Variants in FAM13B observed in about 807,000 individuals in gnomAD.
FAM13B encodes protein FAM13B.
Under a neutral mutation model 117.3 loss-of-function variants are expected in FAM13B, and 60 were observed. That is an observed-to-expected ratio of 0.51 (90% CI 0.42 to 0.63). The LOEUF (loss-of-function observed/expected upper bound fraction) is 0.63. Ranked by LOEUF, FAM13B falls within the 30% of genes least tolerant of loss-of-function variation. The pLI, the probability that FAM13B is intolerant of heterozygous loss-of-function variation, is 0.00. For missense variants in FAM13B, 972 were observed against 1,091.9 expected (o/e 0.89, Z 1.55); for synonymous variants, 332 against 356.1 (o/e 0.93, Z 0.76).
intron 7 of FAM13B, among the ~76,000 whole-genome samples, chr5:137,994,588 T>G (rs1779408969): frequency 6.6e-6 from 1 of 152,160 alleles, no homozygotes. Context: ...TGCTGAGAAA[T>G]TTCAGGTCAA....
At chr5:137,986,590 A>G (rs2150584180) in intron 9 of FAM13B, among the ~76,000 whole-genome samples, 1 of 152,328 alleles carries the variant, frequency 6.6e-6, no homozygotes, top group South Asian at 2.1e-4. Flanking sequence ...GTGGAGTAAC[A>G]TCATGCATTA....
chr5:137,985,319 T>C lies in FAM13B; in HGVS notation c.1117A>G (p.Thr373Ala). 1.2e-6 allele frequency: 2 copies of C among 1,613,974 alleles called. No homozygotes were observed. The highest frequency in any genetic ancestry group is 1.7e-6 in the Non-Finnish European group (2 of 1,179,924). Residue 373 changes from threonine to alanine, a missense_variant, in exon 10 of 24, where the codon ACT (threonine) becomes GCT (alanine). Coordinates refer to ENST00000689681, the MANE Select transcript of FAM13B (RefSeq NM_001385994.1). ...NRDCSKPVASTNLDNEAMQQD... is the reference protein window; with the variant it reads ...NRDCSKPVASANLDNEAMQQD... ...TGCATAGCTTCATTGTCTAAATTAG[T>C]GCTAGCCACAGGTTTTGAACAGTCT... is the stretch of plus-strand genomic sequence containing the variant.
intron 7 of FAM13B, among the ~76,000 whole-genome samples, chr5:137,997,311 T>A (rs1345825481): frequency 6.6e-6 from 1 of 151,756 alleles, no homozygotes; most frequent in Admixed American, 6.6e-5. Flanking sequence ...CTACTAAAAT[T>A]ACAAAAAATT....
chr5:137,982,955 T>C (rs1169680228), intron 10 of FAM13B, among the ~76,000 whole-genome samples: 2 of 152,030 alleles, frequency 1.3e-5, no homozygotes, highest in South Asian at 2.1e-4. Context: ...TAGTTGGATA[T>C]AGCAATCTAA....
chr5:137,962,120 A>T lies in FAM13B; in HGVS notation c.1244+285T>A, dbSNP rs77363871. Among the ~76,000 whole-genome samples, 945 of 152,334 alleles carry T rather than the reference A, an allele frequency of 6.2e-3. 13 individuals carry two copies. The highest frequency in any genetic ancestry group is 0.022 in the African/African-American group (911 of 41,570). ...GACAGGTATACTCAGAATATCAGTA[A>T]ATTCCCAATTGTTCCACAATCAACT... On this transcript the variant is annotated intron_variant, in intron 11 of 23. Transcript: ENST00000689681.
chr5:138,045,747 C>T (rs1021623977), intron 1 of FAM13B, among the ~76,000 whole-genome samples: 5 of 151,848 alleles, frequency 3.3e-5, no homozygotes, highest in African/African-American at 7.3e-5. Context: ...ACCTGTAATC[C>T]CAGCACTTTG....
chr5:137,944,924 GCAA>G (rs1049694231), intron 20 of FAM13B, among the ~76,000 whole-genome samples: 16 of 146,832 alleles, frequency 1.1e-4, no homozygotes, highest in African/African-American at 3.7e-4. Flanking sequence ...TAAAAAAAAG[GCAA>G]CAACAGACAA....
intron 7 of FAM13B, among the ~76,000 whole-genome samples, chr5:137,998,568 C>T (rs1420999866): frequency 6.6e-6 from 1 of 152,168 alleles, no homozygotes; most frequent in Non-Finnish European, 1.5e-5. Flanking sequence ...GACATTTTCT[C>T]AGAAACGACT....
At chr5:138,013,074 A>T (rs1004256832) in intron 4 of FAM13B, among the ~76,000 whole-genome samples, 1 of 152,078 alleles carries the variant, frequency 6.6e-6, no homozygotes, top group Non-Finnish European at 1.5e-5. Flanking sequence ...GTACTGGCAC[A>T]CACATGTGCT....
At chr5:138,029,348 A>G (rs568519424) in intron 1 of FAM13B, among the ~76,000 whole-genome samples, 2 of 152,380 alleles carry the variant, frequency 1.3e-5, no homozygotes, top group Non-Finnish European at 2.9e-5. Flanking sequence ...TGTCACTGAA[A>G]TACATGAAGC....
intron 10 of FAM13B, among the ~76,000 whole-genome samples, chr5:137,982,094 G>T (rs762692732): frequency 6.6e-6 from 1 of 152,146 alleles, no homozygotes; most frequent in African/African-American, 2.4e-5. Context: ...GAAGAGAAGT[G>T]GCATTATCTA....
chr5:137,977,364 T>C (rs953938656), intron 10 of FAM13B, among the ~76,000 whole-genome samples: 74 of 152,190 alleles, frequency 4.9e-4, no homozygotes, highest in African/African-American at 1.5e-3. Context: ...TGATATTCTA[T>C]TACCTTGTGA....
At chr5:137,954,431 A>G (rs989089430) in intron 14 of FAM13B, 55 bp from the exon 15 acceptor site, 1 of 1,406,128 alleles carries the variant, frequency 7.1e-7, no homozygotes, top group Non-Finnish European at 9.8e-7. Context: ...CACGTGGGAA[A>G]AAAGTCACAA....
At chr5:137,971,385 C>A (rs909242555) in intron 10 of FAM13B, among the ~76,000 whole-genome samples, 2 of 151,780 alleles carry the variant, frequency 1.3e-5, no homozygotes, top group Middle Eastern at 3.4e-3. Context: ...AAAATGAAGG[C>A]AGAAATAAAG....
intron 13 of FAM13B, among the ~76,000 whole-genome samples, chr5:137,957,387 A>G (rs901295123): frequency 6.6e-6 from 1 of 152,028 alleles, no homozygotes; most frequent in Non-Finnish European, 1.5e-5. Flanking sequence ...ACTAAAATAC[A>G]AAATTAGCCG....
At chr5:138,010,973 A>AAAAAAAATTAT (rs1554079504) in intron 6 of FAM13B, 35 bp downstream of exon 6, 3 of 1,438,508 alleles carry the variant, frequency 2.1e-6, no homozygotes, top group Middle Eastern at 2.2e-4. Flanking sequence ...AAAAAAAAAA[A>AAAAAAAATTAT]AAAAAAATTA....
chr5:137,984,874 T>A (rs1776771478), intron 10 of FAM13B, among the ~76,000 whole-genome samples: 1 of 152,100 alleles, frequency 6.6e-6, no homozygotes, highest in Non-Finnish European at 1.5e-5. Context: ...GTTCATGCCT[T>A]TCTCCTGCCT....
At chr5:138,030,722 C>CAA (rs1202168169) in intron 1 of FAM13B, among the ~76,000 whole-genome samples, 1 of 131,878 alleles carries the variant, frequency 7.6e-6, no homozygotes, top group Non-Finnish European at 1.6e-5. Flanking sequence ...CCCCCCCCCC[C>CAA]AAAAAAAAAA....
At chr5:138,043,943 G>A (rs922339824) in intron 1 of FAM13B, among the ~76,000 whole-genome samples, 1 of 151,858 alleles carries the variant, frequency 6.6e-6, no homozygotes, top group African/African-American at 2.4e-5. Context: ...ATTAGAGAAA[G>A]TGTCTCACTC....
Sources: allele counts gnomAD v4.1 joint callset (sites outside exome capture counted in the v4.1 genomes callset), GRCh38; gene constraint gnomAD v4.1.1; transcripts MANE v1.5; gene names NCBI Gene and HGNC (gene_info 2026-07-23, HGNC 2026-07-21).